S100Z: variants seen among roughly 807,000 people sequenced by gnomAD.
The protein encoded by S100Z is protein S100-Z.
Under a neutral mutation model 8.5 loss-of-function variants are expected in S100Z, and 11 were observed. The ratio of observed to expected loss-of-function variants is 1.30; its 90% CI spans 0.82 to 2.15. The LOEUF is 2.15. Among genes scored for constraint, S100Z ranks in the 30% most tolerant of loss-of-function variants. The pLI is 0.00. For synonymous variants in S100Z, 34 were observed against 43.8 expected (o/e 0.78, Z 0.89); for missense variants, 126 against 117.9 (o/e 1.07, Z -0.32).
chr5:76,864,656 A>G (rs1751202813), intron 1 of S100Z, among the ~76,000 whole-genome samples: 1 of 152,020 alleles, frequency 6.6e-6, no homozygotes, highest in Non-Finnish European at 1.5e-5. Flanking sequence ...CACCCGCCTC[A>G]GCCTCCCAGA....
At chr5:76,948,325 C>CTAAATAAA in the S100Z span, among the ~76,000 whole-genome samples, 10,582 of 147,786 alleles carry the variant, frequency 0.072, 515 homozygotes, top group Middle Eastern at 0.16. Flanking sequence ...GACTCTGTCT[C>CTAAATAAA]TAAATAAATA....
At position 76,878,019 on chromosome 5, in the gene S100Z, T is replaced by G. The variant is rs928655386; in HGVS notation, c.*2+185T>G. 47 of 389,846 alleles carry G rather than the reference T, an allele frequency of 1.2e-4. 1 individual carries two copies. The East Asian group carries it at 1.8e-3, about 15-fold the overall frequency. The allele number at this position is 389,846 out of a possible 1,614,324, so 24.1% of individuals were successfully genotyped here. A position where few individuals can be genotyped will look rare whatever the true frequency, so the allele number is the denominator to read the frequency against. On this transcript the variant is annotated intron_variant, in intron 4 of 4. Coordinates refer to ENST00000317593, the MANE Select transcript of S100Z (RefSeq NM_130772.4). ...TTAAAATATTGACTTTATGTAGATA[T>G]TCTAAATCTCATATGCCCTACTTGA...
At chr5:76,932,324 A>G in the S100Z span, among the ~76,000 whole-genome samples, 1 of 152,124 alleles carries the variant, frequency 6.6e-6, no homozygotes, top group Non-Finnish European at 1.5e-5. Flanking sequence ...CAAGATTTTT[A>G]TGCCCTTCTC....
intron 4 of S100Z, among the ~76,000 whole-genome samples, chr5:76,917,064 T>G (rs2150686238): frequency 7.1e-6 from 1 of 140,938 alleles, no homozygotes; most frequent in East Asian, 2.1e-4. Context: ...AGGCGGAGGT[T>G]GCAGTGAGCT....
At chr5:76,941,310 C>A in the S100Z span, among the ~76,000 whole-genome samples, 108 of 152,284 alleles carry the variant, frequency 7.1e-4, no homozygotes, top group Non-Finnish European at 1.2e-3. Flanking sequence ...TCCCCACATG[C>A]CCTGGGAGGG....
At chr5:76,936,437 A>T in the S100Z span, among the ~76,000 whole-genome samples, 1 of 152,142 alleles carries the variant, frequency 6.6e-6, no homozygotes, top group South Asian at 2.1e-4. Flanking sequence ...TGGTAGGATT[A>T]AGGCTGATTT....
intron 2 of S100Z, among the ~76,000 whole-genome samples, chr5:76,874,058 C>T (rs947116044): frequency 6.6e-6 from 1 of 152,282 alleles, no homozygotes; most frequent in Non-Finnish European, 1.5e-5. Flanking sequence ...CTGACAGCTC[C>T]CAACATAGTA....
At chr5:76,890,088 A>C (rs185007410) in intron 4 of S100Z, among the ~76,000 whole-genome samples, 1 of 152,188 alleles carries the variant, frequency 6.6e-6, no homozygotes, top group African/African-American at 2.4e-5. Flanking sequence ...CAGTGGCACA[A>C]TCTCGGCTCA....
chr5:76,867,763 G>A (rs569462127), intron 1 of S100Z, among the ~76,000 whole-genome samples: 52 of 152,042 alleles, frequency 3.4e-4, no homozygotes, highest in African/African-American at 1.2e-3. Flanking sequence ...TGTATTTTTA[G>A]TAGAGATGGG....
At position 76,892,553 on chromosome 5, in the gene S100Z, C is replaced by CA. The variant is rs528807812; in HGVS notation, c.*2+14723dup. Among the ~76,000 whole-genome samples the CA allele has an allele frequency of 4.6e-3, 688 of 151,088 alleles. 5 individuals are homozygous for CA. Among genetic ancestry groups the CA allele is most frequent in the African/African-American group, 0.016 (658 of 40,754 alleles). On this transcript the variant is annotated intron_variant, in intron 4 of 4. Transcript: ENST00000317593. ...TTGGGGGCATGCATAACAAAAAGCA[C>CA]AAAATCACAAGAACATCTGTGATCT...
At chr5:76,852,847 C>T (rs1750768693) in intron 1 of S100Z, among the ~76,000 whole-genome samples, 1 of 152,200 alleles carries the variant, frequency 6.6e-6, no homozygotes, top group South Asian at 2.1e-4. Context: ...GGCTTTCTAG[C>T]AGCCAAAGAA....
intron 3 of S100Z, among the ~76,000 whole-genome samples, chr5:76,876,920 C>A (rs1204163350): frequency 1.3e-5 from 2 of 152,132 alleles, no homozygotes; most frequent in Non-Finnish European, 2.9e-5. Context: ...CTTCACAGTT[C>A]CAACCTTCGT....
At chr5:76,910,186 G>A (rs141835647) in intron 4 of S100Z, among the ~76,000 whole-genome samples, 1 of 152,322 alleles carries the variant, frequency 6.6e-6, no homozygotes, top group East Asian at 1.9e-4. Flanking sequence ...CTATCCTTGA[G>A]CAGCTATGGG....
chr5:76,878,157 A>C, intron 4 of S100Z: 1 of 169,526 alleles, frequency 5.9e-6, no homozygotes, highest in Non-Finnish European at 1.3e-5. Flanking sequence ...AATTTCTAAG[A>C]TGGACATTCA....
At chr5:76,880,082 C>T (rs146555654) in intron 4 of S100Z, among the ~76,000 whole-genome samples, 88 of 152,212 alleles carry the variant, frequency 5.8e-4, no homozygotes, top group African/African-American at 2.1e-3. Context: ...GTTTTGCGGG[C>T]AGAGGGTGGA....
In S100Z at chr5:76,906,976, GTATATATATATATATATATATA is replaced by G. The variant is rs869046562; in HGVS notation, c.*3-13714_*3-13693del. Among the ~76,000 whole-genome samples, 161 of 21,786 alleles carry G rather than the reference GTATATATATATATATATATATA, an allele frequency of 7.4e-3. 4 individuals are homozygous for G. Among genetic ancestry groups the G allele is most frequent in the Middle Eastern group, 0.029 (1 of 34 alleles). The allele number at this position is 21,786 out of a possible 152,430, so 14.3% of individuals were successfully genotyped here. A position where few individuals can be genotyped will look rare whatever the true frequency, so the allele number is the denominator to read the frequency against. On this transcript the variant is annotated intron_variant, in intron 4 of 4. Transcript: ENST00000317593. The stretch of plus-strand genomic sequence containing the variant: ...CTGAATAGTATTCCATTGTGTGTGT[GTATATATATATATATATATATA>G]TATATATATATATATATATATATAT...
intron 4 of S100Z, among the ~76,000 whole-genome samples, chr5:76,901,274 A>C (rs956318207): frequency 1.3e-5 from 2 of 152,236 alleles, no homozygotes; most frequent in African/African-American, 4.8e-5. Context: ...TACAATCAGC[A>C]GGTAACAATG....
At chr5:76,897,873 A>G (rs1046207063) in intron 4 of S100Z, among the ~76,000 whole-genome samples, 5 of 152,214 alleles carry the variant, frequency 3.3e-5, no homozygotes, top group South Asian at 2.1e-4. Context: ...CAGTTCTAAT[A>G]GTTTTCTTGT....
the S100Z span, among the ~76,000 whole-genome samples, chr5:76,933,422 T>C: frequency 4.0e-4 from 61 of 152,184 alleles, no homozygotes; most frequent in Non-Finnish European, 7.5e-4. Flanking sequence ...CCTCAAACAG[T>C]GTGAATGTTC....
Sources: gnomAD v4.1 joint callset for allele counts (sites outside exome capture counted in the v4.1 genomes callset) on GRCh38, gnomAD v4.1.1 for gene constraint, MANE v1.5 for transcripts, NCBI Gene and HGNC (gene_info 2026-07-23, HGNC 2026-07-21) for gene names.